The following ROBO2 variants were observed in gnomAD, a reference collection of about 807,000 sequenced individuals.
The protein encoded by ROBO2 is roundabout homolog 2.
In ROBO2, 53 loss-of-function variants were observed where a neutral mutation model predicts 160.8. That is an observed-to-expected ratio of 0.33 (90% confidence interval 0.26 to 0.41). The LOEUF (loss-of-function observed/expected upper bound fraction) is 0.41. ROBO2 is among the 10% of genes least tolerant of loss of function. The pLI is 1.00. For missense variants in ROBO2, 1,577 were observed against 1,722.4 expected, an observed-to-expected ratio of 0.92 and a Z score of 1.49; for synonymous variants, 664 against 611.7, an observed-to-expected ratio of 1.09 and a Z score of -1.26.
chr3:76,360,550 G>A (rs2075450254), intron 2 of ROBO2, among the ~76,000 whole-genome samples: 1 of 152,068 alleles, frequency 6.6e-6, no homozygotes, highest in Admixed American at 6.6e-5. Context: ...CGCTTAGTAA[G>A]GGAAGGAGAG....
intron 19 of ROBO2, among the ~76,000 whole-genome samples, chr3:77,598,499 A>ATATATATATG (rs1201555929): frequency 7.4e-6 from 1 of 134,634 alleles, no homozygotes; most frequent in African/African-American, 2.7e-5. Context: ...ATATATATAT[A>ATATATATATG]TATACGCACA....
chr3:77,627,743 C>A (rs905791577), intron 23 of ROBO2, among the ~76,000 whole-genome samples: 2 of 152,024 alleles, frequency 1.3e-5, no homozygotes, highest in African/African-American at 4.8e-5. Context: ...AATAGGTAGA[C>A]AAATAACATT....
chr3:76,559,401 A>G (rs1287611861), intron 2 of ROBO2, among the ~76,000 whole-genome samples: 2 of 152,198 alleles, frequency 1.3e-5, no homozygotes, highest in African/African-American at 4.8e-5. Flanking sequence ...GTGCATTGCA[A>G]TCAATTGGCA....
intron 2 of ROBO2, among the ~76,000 whole-genome samples, chr3:76,707,569 T>A (rs1248857585): frequency 1.3e-5 from 2 of 151,130 alleles, no homozygotes; most frequent in Non-Finnish European, 3.0e-5. Context: ...CTCCTCCCTC[T>A]ACTGACAGGT....
At chr3:77,321,775 G>A (rs539830255) in intron 2 of ROBO2, among the ~76,000 whole-genome samples, 3 of 152,172 alleles carry the variant, frequency 2.0e-5, no homozygotes, top group East Asian at 1.9e-4. Flanking sequence ...ACGGGCAAGC[G>A]GCAAGTGAAC....
chr3:77,021,332 C>G (rs2062622952), intron 2 of ROBO2, among the ~76,000 whole-genome samples: 2 of 152,180 alleles, frequency 1.3e-5, no homozygotes, highest in South Asian at 4.1e-4. Context: ...ACCCTCCTGT[C>G]TCTTGCCCCT....
intron 2 of ROBO2, among the ~76,000 whole-genome samples, chr3:76,826,813 T>C (rs1372380931): frequency 6.6e-6 from 1 of 152,220 alleles, no homozygotes; most frequent in Non-Finnish European, 1.5e-5. Flanking sequence ...GATGCTCTTT[T>C]ACATTTTTAG....
intron 23 of ROBO2, chr3:77,630,655 C>G (rs2095141323): frequency 6.6e-6 from 1 of 151,916 alleles, no homozygotes; most frequent in Non-Finnish European, 1.5e-5. Context: ...CTGGGTAAGG[C>G]TTTAAACAGA....
At chr3:76,962,467 C>T (rs1001193704) in intron 2 of ROBO2, among the ~76,000 whole-genome samples, 7 of 151,696 alleles carry the variant, frequency 4.6e-5, no homozygotes, top group African/African-American at 1.5e-4. Context: ...GGAGAAAGCC[C>T]GTTTCTACTA....
chr3:76,211,370 C>G (rs560367354), intron 2 of ROBO2, among the ~76,000 whole-genome samples: 1 of 151,996 alleles, frequency 6.6e-6, no homozygotes, highest in African/African-American at 2.4e-5. Flanking sequence ...CTAAAGTCAG[C>G]CTGGAATTTT....
At chr3:76,980,033 T>G (rs554395500) in intron 2 of ROBO2, among the ~76,000 whole-genome samples, 15 of 152,138 alleles carry the variant, frequency 9.9e-5, no homozygotes, top group Non-Finnish European at 2.2e-4. Context: ...GTGATGATAC[T>G]AGAAGCATGC....
intron 2 of ROBO2, among the ~76,000 whole-genome samples, chr3:76,628,239 C>T (rs1361721579): frequency 6.6e-6 from 1 of 151,774 alleles, no homozygotes; most frequent in African/African-American, 2.4e-5. Context: ...ATAAAAACAA[C>T]GTGTGTTTTT....
At chr3:76,941,303 G>C (rs973302654) in intron 2 of ROBO2, among the ~76,000 whole-genome samples, 1 of 151,902 alleles carries the variant, frequency 6.6e-6, no homozygotes, top group African/African-American at 2.4e-5. Context: ...CTAATAAAGG[G>C]GGAATTTTAA....
intron 2 of ROBO2, among the ~76,000 whole-genome samples, chr3:76,931,803 T>A (rs1288091049): frequency 6.6e-6 from 1 of 152,052 alleles, no homozygotes; most frequent in Admixed American, 6.6e-5. Context: ...TGCCTCAGTC[T>A]CCGAGAACCT....
chr3:76,828,464 A>T (rs570820696), intron 2 of ROBO2, among the ~76,000 whole-genome samples: 2 of 152,150 alleles, frequency 1.3e-5, no homozygotes, highest in Non-Finnish European at 2.9e-5. Flanking sequence ...GCACAAACTT[A>T]ATGCTCATTG....
chr3:76,711,034 A>G lies in ROBO2; in HGVS notation c.110-386980A>G, dbSNP rs557400885. Among the ~76,000 whole-genome samples the G allele has an allele frequency of 5.9e-5, 9 of 152,338 alleles. No homozygotes were observed. The East Asian group carries it at 1.7e-3, about 29-fold the overall frequency. On this transcript the variant is annotated intron_variant, in intron 2 of 26. Transcript: ENST00000487694. ...TGATTTTAAAATGGTTGACTGGTCCATAGAAAATTTAAGATTTATATTATT... is the reference window on the plus strand; with the variant it reads ...TGATTTTAAAATGGTTGACTGGTCCGTAGAAAATTTAAGATTTATATTATT...
rs2070484159 is a variant in ROBO2 at position 76,859,309 on chromosome 3, T to A, written c.110-238705T>A. ...TTTTCATATATTTGATGCAATCATT[T>A]TTTAGTCACAAATTTTACATATTCT... On this transcript the variant is annotated intron_variant, in intron 2 of 26. Transcript: ENST00000487694. Among the ~76,000 whole-genome samples the A allele has an allele frequency of 2.0e-5, 3 of 152,234 alleles. No individual in the cohort carries two copies. The South Asian group carries it at 6.2e-4, about 31-fold the overall frequency.
At chr3:75,969,148 ATAT>A (rs1438483409) in intron 2 of ROBO2, among the ~76,000 whole-genome samples, 4 of 148,462 alleles carry the variant, frequency 2.7e-5, no homozygotes, top group Non-Finnish European at 4.5e-5. Flanking sequence ...TATAATATTT[ATAT>A]TATTATTACA....
intron 4 of ROBO2, among the ~76,000 whole-genome samples, chr3:77,484,508 AACACACACACACACAC>A (rs60959193): frequency 2.0e-5 from 3 of 146,726 alleles, no homozygotes; most frequent in African/African-American, 7.5e-5. Context: ...CCCCAACACA[AACACACACACACACAC>A]ACACACACAC....
Sources: gnomAD v4.1 joint callset for allele counts (sites outside exome capture counted in the v4.1 genomes callset) on GRCh38, gnomAD v4.1.1 for gene constraint, MANE v1.5 for transcripts, NCBI Gene and HGNC (gene_info 2026-07-23, HGNC 2026-07-21) for gene names.